The following SLC7A14 variants were observed in gnomAD, a reference collection of about 807,000 sequenced individuals.
SLC7A14 encodes gamma-aminobutyric acid transporter SLC7A14.
Under a neutral mutation model 60.2 loss-of-function variants are expected in SLC7A14, and 37 were observed. That is an observed-to-expected ratio of 0.61 (90% CI 0.47 to 0.81). The LOEUF (loss-of-function observed/expected upper bound fraction) is 0.81. Ranked by LOEUF, SLC7A14 falls within the 30% of genes least tolerant of loss-of-function variation. The probability of loss-of-function intolerance (pLI) is 0.00; values close to 1 mark genes in which losing one functional copy is unlikely to be tolerated. For synonymous variants in SLC7A14, 399 were observed against 395.8 expected (o/e 1.01, Z -0.10); for missense variants, 886 against 982.7 (o/e 0.90, Z 1.32).
At chr3:170,542,143 C>T (rs931177218) in intron 1 of SLC7A14, among the ~76,000 whole-genome samples, 16 of 152,156 alleles carry the variant, frequency 1.1e-4, no homozygotes, top group South Asian at 2.1e-4. Context: ...ACAGCAGAAT[C>T]GAATCACCAG....
rs1739732284 is a variant in SLC7A14 at position 170,466,915 on chromosome 3, A to G, written c.*140T>C. On this transcript the variant is annotated 3_prime_UTR_variant, in exon 8 of 8. Transcript: ENST00000231706. ...CTATCCTGAAGAGCAAAAGTAGCAAATGACAGGCTATGACTAGGGATTGAA... is the reference window on the plus strand; with the variant it reads ...CTATCCTGAAGAGCAAAAGTAGCAAGTGACAGGCTATGACTAGGGATTGAA... The G allele has an allele frequency of 1.4e-6, 1 of 728,350 alleles. No individual in the cohort carries two copies. The highest frequency in any genetic ancestry group is 2.3e-6 in the Non-Finnish European group (1 of 440,380). 45.1% of individuals were successfully genotyped at this position (728,350 alleles called of 1,614,324 possible). A position where few individuals can be genotyped will look rare whatever the true frequency, so the allele number is the denominator to read the frequency against.
intron 1 of SLC7A14, among the ~76,000 whole-genome samples, chr3:170,530,746 G>A (rs1713656960): frequency 6.6e-6 from 1 of 152,212 alleles, no homozygotes; most frequent in Non-Finnish European, 1.5e-5. Context: ...AGGCCGACAA[G>A]TAAGCAGAGA....
At chr3:170,530,741 G>A (rs896911505) in intron 1 of SLC7A14, among the ~76,000 whole-genome samples, 4 of 152,202 alleles carry the variant, frequency 2.6e-5, no homozygotes, top group South Asian at 2.1e-4. Context: ...CGGGGAGGCC[G>A]ACAAGTAAGC....
chr3:170,584,822 C>T (rs1442920368), intron 1 of SLC7A14, among the ~76,000 whole-genome samples: 1 of 151,912 alleles, frequency 6.6e-6, no homozygotes, highest in African/African-American at 2.4e-5. Context: ...TCCTGCGGCC[C>T]TTGGGCAATT....
intron 2 of SLC7A14, among the ~76,000 whole-genome samples, chr3:170,510,132 G>A (rs1477224685): frequency 6.7e-6 from 1 of 149,876 alleles, no homozygotes; most frequent in Non-Finnish European, 1.5e-5. Context: ...ACTCACGCCT[G>A]TAATCCCAGC....
In SLC7A14 at chr3:170,501,123, G is replaced by T. The variant is rs2108280636; in HGVS notation, c.527C>A (p.Thr176Asn). Residue 176 changes from threonine (T) to asparagine (N), a missense_variant, in exon 3 of 8, where the codon ACC becomes AAC. Physicochemically the swap from Thr to Asn is moderately conservative, Grantham distance 65. Coordinates refer to ENST00000231706, the MANE Select transcript of SLC7A14 (RefSeq NM_020949.3). ...ISRWMADSVG[T>N]LNGLGKGEES... is the part of the protein sequence containing the mutation. ...GGCAGTCTCACCCAGGCCATTGAGG[G>T]TTCCCACGCTGTCCGCCATCCAGCG... The T allele has an allele frequency of 1.2e-6, 2 of 1,614,220 alleles. No homozygotes were observed. Among genetic ancestry groups the T allele is most frequent in the Non-Finnish European group, 1.7e-6 (2 of 1,180,048 alleles).
intron 2 of SLC7A14, among the ~76,000 whole-genome samples, chr3:170,512,621 C>T (rs1713015975): frequency 6.8e-6 from 1 of 146,652 alleles, no homozygotes; most frequent in Non-Finnish European, 1.5e-5. Flanking sequence ...TAGGCGGATT[C>T]AGCCTTCTAT....
chr3:170,467,768 C>G (rs1739762499), intron 7 of SLC7A14, among the ~76,000 whole-genome samples: 2 of 152,104 alleles, frequency 1.3e-5, no homozygotes, highest in South Asian at 4.1e-4. Flanking sequence ...CATATAGCTG[C>G]CAGCCAGGAA....
intron 1 of SLC7A14, among the ~76,000 whole-genome samples, chr3:170,548,298 A>T (rs960385047): frequency 2.0e-5 from 3 of 152,010 alleles, no homozygotes; most frequent in African/African-American, 7.3e-5. Flanking sequence ...TAGGTATTTT[A>T]ACAGACATTA....
chr3:170,528,966 T>C (rs1377574513), intron 1 of SLC7A14, among the ~76,000 whole-genome samples: 2 of 152,246 alleles, frequency 1.3e-5, no homozygotes, highest in Non-Finnish European at 2.9e-5. Flanking sequence ...GTGAGGCTTG[T>C]AGATGCAAAG....
Position 170,521,778 on chromosome 3 carries a change from A to G in SLC7A14, c.304+4855T>C, listed in dbSNP as rs548416661. Among the ~76,000 whole-genome samples, 3 of 152,208 alleles carry G rather than the reference A, an allele frequency of 2.0e-5. 1 individual carries two copies. The highest frequency in any genetic ancestry group is 2.0e-4 in the Admixed American group (3 of 15,294). On this transcript the variant is annotated intron_variant, in intron 2 of 7. Coordinates refer to ENST00000231706, the MANE Select transcript of SLC7A14 (RefSeq NM_020949.3). ...TCAACTACAAATACAAAAATTAGCC[A>G]TGTGTGATGTCATGCACCTGTAGTC...
intron 1 of SLC7A14, among the ~76,000 whole-genome samples, chr3:170,579,143 T>G (rs867861609): frequency 3.3e-5 from 5 of 152,240 alleles, no homozygotes; most frequent in Non-Finnish European, 7.3e-5. Flanking sequence ...AATGAAATGA[T>G]GCATGATGTT....
intron 2 of SLC7A14, among the ~76,000 whole-genome samples, chr3:170,515,313 C>CA (rs1713116772): frequency 1.2e-5 from 1 of 85,650 alleles, no homozygotes; most frequent in African/African-American, 5.7e-5. Flanking sequence ...ACTCTGTCCG[C>CA]CCCCCCCAAA....
chr3:170,501,781 T>G (rs913376593), intron 2 of SLC7A14, among the ~76,000 whole-genome samples: 12 of 152,382 alleles, frequency 7.9e-5, no homozygotes, highest in African/African-American at 2.9e-4. Context: ...AGTGATACTT[T>G]GAGCAATCTG....
At chr3:170,525,423 T>C (rs1330033407) in intron 2 of SLC7A14, among the ~76,000 whole-genome samples, 2 of 152,248 alleles carry the variant, frequency 1.3e-5, no homozygotes, top group African/African-American at 4.8e-5. Flanking sequence ...CTAGTGGACC[T>C]GTCTCTGTGG....
Position 170,523,796 on chromosome 3 carries a change from G to A in SLC7A14, c.304+2837C>T, listed in dbSNP as rs139152035. On this transcript the variant is annotated intron_variant, in intron 2 of 7. Coordinates refer to ENST00000231706, the MANE Select transcript of SLC7A14 (RefSeq NM_020949.3). The stretch of plus-strand genomic sequence containing the variant: ...AGCAGTGGGAAGTTTTGCCAAAGGT[G>A]AAACAATATGGGGATGATGATGTGA... Among the ~76,000 whole-genome samples, 342 of 152,270 alleles carry A rather than the reference G, an allele frequency of 2.2e-3. 1 individual carries two copies. The highest frequency in any genetic ancestry group is 7.9e-3 in the African/African-American group (328 of 41,566).
chr3:170,566,997 AT>A (rs1714809721), intron 1 of SLC7A14, among the ~76,000 whole-genome samples: 1 of 149,780 alleles, frequency 6.7e-6, no homozygotes, highest in Non-Finnish European at 1.5e-5. Flanking sequence ...TTTATTTTTT[AT>A]TTTTTTATTT....
chr3:170,562,201 A>G (rs1009831816), intron 1 of SLC7A14, among the ~76,000 whole-genome samples: 1 of 152,212 alleles, frequency 6.6e-6, no homozygotes, highest in Non-Finnish European at 1.5e-5. Flanking sequence ...ACATATCTAG[A>G]GCAGCACAGT....
chr3:170,496,596 G>A, intron 4 of SLC7A14: 4 of 1,590,628 alleles, frequency 2.5e-6, no homozygotes, highest in South Asian at 1.1e-5. Context: ...CATGGAGATC[G>A]CCACCTACAG....
Sources: gnomAD v4.1 joint callset for allele counts (sites outside exome capture counted in the v4.1 genomes callset) on GRCh38, gnomAD v4.1.1 for gene constraint, MANE v1.5 for transcripts, NCBI Gene and HGNC (gene_info 2026-07-23, HGNC 2026-07-21) for gene names.